Variants in AUTS2 observed in about 807,000 individuals in gnomAD.
AUTS2 encodes activator of transcription and developmental regulator AUTS2.
Under a neutral mutation model 112.4 loss-of-function variants are expected in AUTS2, and 17 were observed. That is an observed-to-expected ratio of 0.15 (90% CI 0.10 to 0.23). The LOEUF (loss-of-function observed/expected upper bound fraction) is 0.23, where lower values mean the gene tolerates loss of function less well. Among genes scored for constraint, AUTS2 ranks in the 10% least tolerant of loss-of-function variants. The pLI, the probability that AUTS2 is intolerant of heterozygous loss-of-function variation, is 1.00. For synonymous variants in AUTS2, 751 were observed against 702.7 expected (o/e 1.07, Z -1.09); for missense variants, 1,510 against 1,701.6 (o/e 0.89, Z 1.98).
In AUTS2 at chr7:70,737,816, A is replaced by T. The variant is rs565550100; in HGVS notation, c.743-25054A>T. On this transcript the variant is annotated intron_variant, in intron 6 of 18. Coordinates refer to ENST00000342771, the MANE Select transcript of AUTS2 (RefSeq NM_015570.4). ...TTTAGAGCCCTTGGGCTTCATAGGTAACCTTGAAAATGGAAACACATCATT... is the reference window on the plus strand; with the variant it reads ...TTTAGAGCCCTTGGGCTTCATAGGTTACCTTGAAAATGGAAACACATCATT... 5.9e-5 allele frequency among the ~76,000 whole-genome samples: 9 copies of T among 152,342 alleles called. No individual in the cohort carries two copies. The East Asian group carries it at 1.7e-3, about 29-fold the overall frequency.
In AUTS2 at chr7:70,051,441, G is replaced by A. The variant is rs116381901; in HGVS notation, c.523-66691G>A. Among the ~76,000 whole-genome samples, 435 of 152,332 alleles carry A rather than the reference G, an allele frequency of 2.9e-3. 2 individuals are homozygous for A. The highest frequency in any genetic ancestry group is 9.7e-3 in the African/African-American group (403 of 41,570). On this transcript the variant is annotated intron_variant, in intron 2 of 18. Transcript: ENST00000342771. ...CTTAAAAATTCACTTGTGGGGCTGA[G>A]CGTGTTGGCTCACACCTGTAATCCC...
intron 1 of AUTS2, among the ~76,000 whole-genome samples, chr7:69,830,448 CTTG>C (rs745761861): frequency 3.9e-5 from 6 of 152,114 alleles, no homozygotes; most frequent in Non-Finnish European, 5.9e-5. Context: ...AGTATGTTTT[CTTG>C]TTGTCTTATT....
chr7:70,102,913 A>C (rs1330276985), intron 2 of AUTS2, among the ~76,000 whole-genome samples: 1 of 152,176 alleles, frequency 6.6e-6, no homozygotes, highest in African/African-American at 2.4e-5. Flanking sequence ...TGTAGAATTT[A>C]TTCTTATATT....
intron 1 of AUTS2, among the ~76,000 whole-genome samples, chr7:69,699,317 A>G (rs1338183443): frequency 1.3e-5 from 2 of 152,160 alleles, no homozygotes; most frequent in African/African-American, 2.4e-5. Flanking sequence ...TCAGGCTTTT[A>G]TAACTACTTT....
chr7:70,078,288 C>T (rs1025443007), intron 2 of AUTS2, among the ~76,000 whole-genome samples: 3 of 152,066 alleles, frequency 2.0e-5, no homozygotes, highest in African/African-American at 7.2e-5. Flanking sequence ...GCATATACAC[C>T]ATGCTGGACA....
chr7:70,142,933 G>C (rs570516140), intron 4 of AUTS2, among the ~76,000 whole-genome samples: 1 of 152,238 alleles, frequency 6.6e-6, no homozygotes, highest in East Asian at 1.9e-4. Flanking sequence ...GGTTTACTCT[G>C]ATTACCCACA....
At chr7:70,529,594 G>A (rs139518926) in intron 5 of AUTS2, among the ~76,000 whole-genome samples, 93 of 152,324 alleles carry the variant, frequency 6.1e-4, no homozygotes, top group African/African-American at 2.1e-3. Flanking sequence ...TACTTGAAAA[G>A]GCTCCTGCCT....
chr7:70,402,180 G>A (rs1488505586), intron 4 of AUTS2, among the ~76,000 whole-genome samples: 1 of 152,260 alleles, frequency 6.6e-6, no homozygotes, highest in Admixed American at 6.5e-5. Flanking sequence ...CACATCTTAA[G>A]TGAAAGAAAA....
At chr7:70,320,013 C>G (rs543076204) in intron 4 of AUTS2, among the ~76,000 whole-genome samples, 1 of 152,258 alleles carries the variant, frequency 6.6e-6, no homozygotes, top group East Asian at 1.9e-4. Flanking sequence ...TACCACTGTC[C>G]CTGAGCACTT....
At chr7:70,083,096 C>T (rs1803402761) in intron 2 of AUTS2, among the ~76,000 whole-genome samples, 1 of 152,048 alleles carries the variant, frequency 6.6e-6, no homozygotes, top group Non-Finnish European at 1.5e-5. Flanking sequence ...ATAATGATTC[C>T]TCCCCTCATG....
chr7:70,411,804 A>G (rs1794788355), intron 4 of AUTS2, among the ~76,000 whole-genome samples: 1 of 152,192 alleles, frequency 6.6e-6, no homozygotes, highest in South Asian at 2.1e-4. Flanking sequence ...ACAACATGGC[A>G]GGTACTAAAC....
chr7:70,084,123 T>C (rs556513231), intron 2 of AUTS2, among the ~76,000 whole-genome samples: 8 of 152,284 alleles, frequency 5.3e-5, no homozygotes, highest in African/African-American at 1.9e-4. Flanking sequence ...TTTGTCACTA[T>C]AAAGTTGTAT....
chr7:69,737,526 C>G (rs754448576), intron 1 of AUTS2, among the ~76,000 whole-genome samples: 1 of 152,056 alleles, frequency 6.6e-6, no homozygotes, highest in East Asian at 1.9e-4. Flanking sequence ...ACCTGGTCTG[C>G]TCCTCATTCC....
intron 1 of AUTS2, among the ~76,000 whole-genome samples, chr7:69,787,634 C>T (rs991085150): frequency 1.3e-5 from 2 of 152,162 alleles, no homozygotes; most frequent in Non-Finnish European, 2.9e-5. Flanking sequence ...ACTGCAACCT[C>T]CACCTCCTGG....
chr7:70,195,441 G>A (rs1386537403), intron 4 of AUTS2, among the ~76,000 whole-genome samples: 1 of 152,118 alleles, frequency 6.6e-6, no homozygotes, highest in Non-Finnish European at 1.5e-5. Flanking sequence ...GAGGTCAGGA[G>A]TTCAAGACCA....
intron 1 of AUTS2, among the ~76,000 whole-genome samples, chr7:69,729,967 AT>A (rs1786708249): frequency 1.5e-5 from 1 of 68,166 alleles, no homozygotes; most frequent in Non-Finnish European, 3.3e-5. Context: ...CTTAACTGGT[AT>A]GTTTTTTTTT....
At chr7:70,534,394 G>GAATT (rs1215308456) in intron 5 of AUTS2, among the ~76,000 whole-genome samples, 2 of 134,906 alleles carry the variant, frequency 1.5e-5, no homozygotes, top group African/African-American at 5.8e-5. Flanking sequence ...TTGGGAATAT[G>GAATT]AATTTGTTTG....
intron 2 of AUTS2, among the ~76,000 whole-genome samples, chr7:70,053,538 T>C: frequency 7.1e-6 from 1 of 140,230 alleles, no homozygotes. Context: ...ACCACTGTTT[T>C]GGGTGGTTTT....
intron 13 of AUTS2, among the ~76,000 whole-genome samples, 161 bp downstream of exon 13, chr7:70,775,547 A>G (rs1295655283): frequency 2.0e-5 from 3 of 152,018 alleles, no homozygotes; most frequent in African/African-American, 4.8e-5. Context: ...AAAATGGCCT[A>G]AACTGTTTTG....
Sources: gnomAD v4.1 joint callset for allele counts (sites outside exome capture counted in the v4.1 genomes callset) on GRCh38, gnomAD v4.1.1 for gene constraint, MANE v1.5 for transcripts, NCBI Gene and HGNC (gene_info 2026-07-23, HGNC 2026-07-21) for gene names.